Variants in MBOAT1 observed in about 807,000 individuals in gnomAD.
MBOAT1 encodes the protein membrane bound glycerophospholipid O-acyltransferase 1, also known as membrane-bound glycerophospholipid O-acyltransferase 1.
In MBOAT1, 67 loss-of-function variants were observed where a neutral mutation model predicts 64.4. The ratio of observed to expected loss-of-function variants is 1.04; its 90% CI spans 0.85 to 1.27. The LOEUF (loss-of-function observed/expected upper bound fraction) is 1.27. MBOAT1 is among the 50% of genes most tolerant of loss of function. The probability of loss-of-function intolerance (pLI) is 0.00; values close to 1 mark genes in which losing one functional copy is unlikely to be tolerated. For synonymous variants in MBOAT1, 229 were observed against 218.9 expected (o/e 1.05, Z -0.41); for missense variants, 563 against 604.6 (o/e 0.93, Z 0.72).
At chr6:20,153,139 CTTG>C (rs1761577569) in intron 1 of MBOAT1, among the ~76,000 whole-genome samples, 1 of 152,082 alleles carries the variant, frequency 6.6e-6, no homozygotes, top group Non-Finnish European at 1.5e-5. Flanking sequence ...CAGCCTTGCT[CTTG>C]TTTTTTGCAG....
chr6:20,196,952 A>G (rs2113764451), intron 1 of MBOAT1, among the ~76,000 whole-genome samples: 1 of 152,304 alleles, frequency 6.6e-6, no homozygotes, highest in East Asian at 1.9e-4. Context: ...CCAGAATAGA[A>G]AGAAGACATT....
intron 1 of MBOAT1, among the ~76,000 whole-genome samples, chr6:20,180,661 C>A (rs373513087): frequency 1.3e-5 from 2 of 152,148 alleles, no homozygotes; most frequent in African/African-American, 2.4e-5. Context: ...TTTGAGCTGC[C>A]CTTAACCTCA....
chr6:20,143,859 G>A (rs1761250674), intron 4 of MBOAT1, among the ~76,000 whole-genome samples: 1 of 152,198 alleles, frequency 6.6e-6, no homozygotes, highest in South Asian at 2.1e-4. Context: ...AAATATTCCA[G>A]GCTTTGCAGG....
intron 1 of MBOAT1, among the ~76,000 whole-genome samples, chr6:20,180,024 G>A (rs925466069): frequency 6.6e-6 from 1 of 152,114 alleles, no homozygotes; most frequent in Non-Finnish European, 1.5e-5. Context: ...ATACACAGGT[G>A]TCTAGTAGGT....
intron 4 of MBOAT1, among the ~76,000 whole-genome samples, chr6:20,135,724 G>A (rs1008274038): frequency 1.8e-4 from 28 of 152,106 alleles, no homozygotes; most frequent in Non-Finnish European, 3.7e-4. Context: ...GGTAATTTTA[G>A]AACCAAAAGG....
chr6:20,161,419 G>A (rs1761854908), intron 1 of MBOAT1, among the ~76,000 whole-genome samples: 1 of 151,990 alleles, frequency 6.6e-6, no homozygotes, highest in Admixed American at 6.6e-5. Context: ...GAATAATTCT[G>A]AAATCATCCC....
At chr6:20,123,644 T>C (rs1760557765) in intron 8 of MBOAT1, among the ~76,000 whole-genome samples, 1 of 152,052 alleles carries the variant, frequency 6.6e-6, no homozygotes, top group South Asian at 2.1e-4. Flanking sequence ...AGCTTCTTTC[T>C]AAGACATAAA....
At chr6:20,180,542 T>C (rs1362083934) in intron 1 of MBOAT1, among the ~76,000 whole-genome samples, 1 of 152,190 alleles carries the variant, frequency 6.6e-6, no homozygotes, top group African/African-American at 2.4e-5. Context: ...ACCACAGCTC[T>C]GTGTCACTCA....
intron 1 of MBOAT1, among the ~76,000 whole-genome samples, chr6:20,181,515 A>T (rs1762508738): frequency 6.6e-6 from 1 of 152,104 alleles, no homozygotes; most frequent in African/African-American, 2.4e-5. Context: ...GTAGTCACAG[A>T]CTCATTCAAT....
At position 20,212,443 on chromosome 6, in the gene MBOAT1, GC is replaced by G. The variant is rs1257645974; in HGVS notation, c.-210del. ...GCGCAAACTTGGCTTTGGCGCTGGC[GC>G]TGCAGCCACGGGCGCCGTAGGAGGG... On this transcript the variant is annotated 5_prime_UTR_variant, in exon 1 of 13. Coordinates refer to ENST00000324607, the MANE Select transcript of MBOAT1 (RefSeq NM_001080480.3). The G allele has an allele frequency of 1.8e-6, 1 of 570,114 alleles. No individual in the cohort carries two copies. Among genetic ancestry groups the G allele is most frequent in the African/African-American group, 2.0e-5 (1 of 50,830 alleles). The allele number at this position is 570,114 out of a possible 1,614,324, so 35.3% of individuals were successfully genotyped here. A position where few individuals can be genotyped will look rare whatever the true frequency, so the allele number is the denominator to read the frequency against.
At chr6:20,163,500 T>C (rs1761924634) in intron 1 of MBOAT1, among the ~76,000 whole-genome samples, 1 of 152,188 alleles carries the variant, frequency 6.6e-6, no homozygotes, top group South Asian at 2.1e-4. Flanking sequence ...GAGGCTTCCA[T>C]TTTACAGATA....
intron 11 of MBOAT1, among the ~76,000 whole-genome samples, chr6:20,110,801 TAAGTTAATTTTGGAAAAGTTA>T (rs1760115797): frequency 6.6e-6 from 1 of 152,212 alleles, no homozygotes; most frequent in Non-Finnish European, 1.5e-5. Context: ...AGTATAATTT[TAAGTTAATTTTGGAAAAGTTA>T]GCTTGTCTGC....
chr6:20,209,964 C>A (rs142122333), intron 1 of MBOAT1, among the ~76,000 whole-genome samples: 14 of 152,354 alleles, frequency 9.2e-5, no homozygotes, highest in Non-Finnish European at 1.9e-4. Context: ...CCACTTTCCC[C>A]TCCAGCTGCC....
chr6:20,173,335 G>A (rs779792082), intron 1 of MBOAT1, among the ~76,000 whole-genome samples: 48 of 151,966 alleles, frequency 3.2e-4, no homozygotes, highest in Non-Finnish European at 6.6e-4. Flanking sequence ...AATAGAAACT[G>A]GTGTCTTCTA....
chr6:20,102,110 G>A lies in MBOAT1; in HGVS notation c.*176C>T, dbSNP rs1182115140. On this transcript the variant is annotated 3_prime_UTR_variant, in exon 13 of 13. Transcript: ENST00000324607. Reference sequence around the variant, plus strand: ...AGCCTGGGCGACAGAGCGAGACTCCGTCTCAAAAAAAAAAAAAAAAAAAAA... The same window carrying A: ...AGCCTGGGCGACAGAGCGAGACTCCATCTCAAAAAAAAAAAAAAAAAAAAA... 4 of 301,216 alleles carry A rather than the reference G, an allele frequency of 1.3e-5. No individual in the cohort carries two copies. The highest frequency in any genetic ancestry group is 4.5e-5 in the South Asian group (1 of 22,118). The allele number at this position is 301,216 out of a possible 1,614,324, so 18.7% of individuals were successfully genotyped here. A position where few individuals can be genotyped will look rare whatever the true frequency, so the allele number is the denominator to read the frequency against.
chr6:20,157,135 T>A (rs1263985613), intron 1 of MBOAT1, among the ~76,000 whole-genome samples: 7 of 151,692 alleles, frequency 4.6e-5, no homozygotes, highest in Admixed American at 1.3e-4. Context: ...AAATAAAAAA[T>A]AAAAAAATTA....
At chr6:20,144,767 T>G (rs1395573786) in intron 3 of MBOAT1, among the ~76,000 whole-genome samples, 1 of 152,226 alleles carries the variant, frequency 6.6e-6, no homozygotes. Flanking sequence ...TTAAACACTT[T>G]ATTCTCTTGG....
chr6:20,153,377 G>C (rs1405151368), intron 1 of MBOAT1, among the ~76,000 whole-genome samples: 1 of 152,164 alleles, frequency 6.6e-6, no homozygotes, highest in Admixed American at 6.5e-5. Context: ...ACTGAGCTCT[G>C]TTTAGTGGGT....
chr6:20,190,307 AAT>A (rs1233110698), intron 1 of MBOAT1, among the ~76,000 whole-genome samples: 3 of 152,172 alleles, frequency 2.0e-5, no homozygotes, highest in Non-Finnish European at 4.4e-5. Context: ...TAAGTTTTTA[AAT>A]ATGAAAATAC....
Sources: allele counts gnomAD v4.1 joint callset (sites outside exome capture counted in the v4.1 genomes callset), GRCh38; gene constraint gnomAD v4.1.1; transcripts MANE v1.5; gene names NCBI Gene and HGNC (gene_info 2026-07-23, HGNC 2026-07-21).